MAPK10: variants seen among roughly 807,000 people sequenced by gnomAD.
MAPK10 encodes JNK3 alpha protein kinase.
MAPK10 carries 25 observed loss-of-function variants against 59.3 expected under a neutral mutation model. That is an observed-to-expected ratio of 0.42 (90% CI 0.31 to 0.59). The LOEUF is 0.59. Among genes scored for constraint, MAPK10 ranks in the 20% least tolerant of loss-of-function variants. The pLI is 0.15. For missense variants in MAPK10, 351 were observed against 568.9 expected (o/e 0.62, Z 3.90); for synonymous variants, 190 against 200.5 (o/e 0.95, Z 0.44).
At chr4:86,259,357 A>T (rs1394652972) in intron 2 of MAPK10, among the ~76,000 whole-genome samples, 2 of 152,102 alleles carry the variant, frequency 1.3e-5, no homozygotes, top group African/African-American at 4.8e-5. Flanking sequence ...GACAACACAA[A>T]CACAAAATAT....
Position 86,480,242 on chromosome 4 carries a change from C to A in MAPK10, c.-263+113668G>T, listed in dbSNP as rs550713750. ...TGAAAATGGCCGGTCCTTGCCTTAA[C>A]TGATGACATTACCTTGTGAAATTCC... is the stretch of plus-strand genomic sequence containing the variant. On this transcript the variant is annotated intron_variant, in intron 1 of 4. Transcript: ENST00000502302. Among the ~76,000 whole-genome samples the A allele has an allele frequency of 1.2e-3, 185 of 152,278 alleles. 1 individual carries two copies. The highest frequency in any genetic ancestry group is 4.2e-3 in the African/African-American group (174 of 41,552).
intron 2 of MAPK10, among the ~76,000 whole-genome samples, chr4:86,205,767 C>G (rs965559228): frequency 2.0e-5 from 3 of 151,836 alleles, no homozygotes; most frequent in African/African-American, 7.3e-5. Context: ...CAAATCTATT[C>G]ATGGTTAAAA....
intron 2 of MAPK10, among the ~76,000 whole-genome samples, chr4:86,205,066 GA>G (rs1373955962): frequency 6.6e-6 from 1 of 151,738 alleles, no homozygotes; most frequent in Non-Finnish European, 1.5e-5. Flanking sequence ...TGGAATTAAA[GA>G]AAAAAATTAA....
At chr4:86,132,274 TAGTAG>T (rs1171581620) in intron 4 of MAPK10, among the ~76,000 whole-genome samples, 9 of 152,198 alleles carry the variant, frequency 5.9e-5, no homozygotes, top group African/African-American at 2.2e-4. Context: ...AAATATTGAG[TAGTAG>T]AGTAGTTATT....
chr4:86,146,727 C>T (rs553820233), intron 4 of MAPK10, among the ~76,000 whole-genome samples: 1 of 152,312 alleles, frequency 6.6e-6, no homozygotes, highest in South Asian at 2.1e-4. Context: ...TATCTACTTC[C>T]ACCTCCACCT....
intron 1 of MAPK10, among the ~76,000 whole-genome samples, chr4:86,419,676 A>T (rs1295653657): frequency 1.3e-5 from 2 of 152,212 alleles, no homozygotes; most frequent in African/African-American, 4.8e-5. Context: ...ATGTTTTATA[A>T]GAGAATGTTC....
chr4:86,460,066 A>G (rs560471346), intron 1 of MAPK10, among the ~76,000 whole-genome samples: 1 of 152,190 alleles, frequency 6.6e-6, no homozygotes, highest in Non-Finnish European at 1.5e-5. Context: ...CACTAAATCT[A>G]TCATTAAATC....
intron 1 of MAPK10, among the ~76,000 whole-genome samples, chr4:86,520,887 G>T (rs1056039900): frequency 2.0e-5 from 3 of 152,088 alleles, no homozygotes; most frequent in Non-Finnish European, 4.4e-5. Flanking sequence ...TGCCCTTCGG[G>T]GTCTAGTCAC....
intron 4 of MAPK10, among the ~76,000 whole-genome samples, chr4:86,119,160 AC>A (rs1475683120): frequency 6.6e-6 from 1 of 152,228 alleles, no homozygotes; most frequent in East Asian, 1.9e-4. Context: ...AATAATAATA[AC>A]TTAAGTAATA....
chr4:86,548,432 A>C (rs1244232355), intron 1 of MAPK10, among the ~76,000 whole-genome samples: 3 of 152,144 alleles, frequency 2.0e-5, no homozygotes, highest in Non-Finnish European at 2.9e-5. Flanking sequence ...GAACCCACCA[A>C]TTCCGGACAC....
At position 86,017,024 on chromosome 4, in the gene MAPK10, A is replaced by G; in HGVS notation, c.*204T>C. The G allele has an allele frequency of 4.0e-6, 2 of 502,700 alleles. No homozygotes were observed. Among genetic ancestry groups the G allele is most frequent in the East Asian group, 6.8e-5 (2 of 29,590 alleles). 31.1% of individuals were successfully genotyped at this position (502,700 alleles called of 1,614,324 possible). A position where few individuals can be genotyped will look rare whatever the true frequency, so the allele number is the denominator to read the frequency against. ...CAAAGCAAGAGCAACTAGAAGTTAA[A>G]TATACATTTGAGCTTAGCTGCAATA... On this transcript the variant is annotated 3_prime_UTR_variant, in exon 14 of 14. Coordinates refer to ENST00000641462, the MANE Select transcript of MAPK10 (RefSeq NM_138982.4). This position sits in a 1 kb window ranked among gnomAD's most constrained non-coding sequence, Gnocchi z 4.4.
intron 2 of MAPK10, among the ~76,000 whole-genome samples, chr4:86,293,258 G>A (rs887789993): frequency 6.6e-6 from 1 of 152,208 alleles, no homozygotes; most frequent in Non-Finnish European, 1.5e-5. Flanking sequence ...AATTCCTTGT[G>A]AGTTCCAGGT....
chr4:86,526,315 G>A (rs1244328488), intron 1 of MAPK10, among the ~76,000 whole-genome samples: 1 of 152,092 alleles, frequency 6.6e-6, no homozygotes, highest in East Asian at 1.9e-4. Flanking sequence ...TTCATTTCCA[G>A]GAGTGTATTC....
intron 1 of MAPK10, among the ~76,000 whole-genome samples, chr4:86,519,452 G>A (rs1756947678): frequency 6.6e-6 from 1 of 152,098 alleles, no homozygotes; most frequent in African/African-American, 2.4e-5. Context: ...CTGATGACTT[G>A]TGGTTTCCAT....
intron 9 of MAPK10, among the ~76,000 whole-genome samples, chr4:86,097,825 C>T (rs1315228220): frequency 2.0e-5 from 3 of 152,046 alleles, no homozygotes; most frequent in African/African-American, 7.2e-5. Flanking sequence ...TTCTGATGGA[C>T]TCTATTGCAG....
At chr4:86,027,734 A>G (rs562968358) in intron 13 of MAPK10, 4 of 152,376 alleles carry the variant, frequency 2.6e-5, no homozygotes, top group African/African-American at 9.6e-5. Context: ...CCCAGGCACT[A>G]CATGGGACAC....
At chr4:86,115,741 A>G in intron 4 of MAPK10, among the ~76,000 whole-genome samples, 1 of 152,142 alleles carries the variant, frequency 6.6e-6, no homozygotes. Flanking sequence ...GATTACAGGC[A>G]TGAGCCACCA....
chr4:86,247,996 T>G (rs2093205293), intron 2 of MAPK10, among the ~76,000 whole-genome samples: 1 of 152,176 alleles, frequency 6.6e-6, no homozygotes, highest in African/African-American at 2.4e-5. Context: ...AGCTGGACAC[T>G]TTTCTTCCCC....
At chr4:86,260,103 A>G (rs1331309738) in intron 2 of MAPK10, among the ~76,000 whole-genome samples, 1 of 152,068 alleles carries the variant, frequency 6.6e-6, no homozygotes, top group Non-Finnish European at 1.5e-5. Flanking sequence ...ATAACCCTAT[A>G]CAACAAGCAC....
Sources: allele counts gnomAD v4.1 joint callset (sites outside exome capture counted in the v4.1 genomes callset), GRCh38; gene constraint gnomAD v4.1.1; non-coding constraint Gnocchi (gnomAD v3.1); transcripts MANE v1.5; gene names NCBI Gene and HGNC (gene_info 2026-07-23, HGNC 2026-07-21).